Variants in MACROD2 observed in about 807,000 individuals in gnomAD.
MACROD2 encodes ADP-ribose glycohydrolase MACROD2.
A neutral mutation model predicts 70.4 loss-of-function variants in MACROD2; 36 were observed. That is an observed-to-expected ratio of 0.51 (90% CI 0.39 to 0.68). MACROD2 has a LOEUF of 0.68. Ranked by LOEUF, MACROD2 falls within the 30% of genes least tolerant of loss-of-function variation. The pLI is 0.00. For missense variants in MACROD2, 496 were observed against 538.4 expected, an observed-to-expected ratio of 0.92 and a Z score of 0.78; for synonymous variants, 172 against 178.8, an observed-to-expected ratio of 0.96 and a Z score of 0.30.
At chr20:14,619,217 A>G (rs1320548874) in intron 4 of MACROD2, among the ~76,000 whole-genome samples, 1 of 151,728 alleles carries the variant, frequency 6.6e-6, no homozygotes, top group Non-Finnish European at 1.5e-5. Flanking sequence ...TGAAATTTTT[A>G]TCCATGAACT....
chr20:14,195,449 G>T (rs545480604), intron 3 of MACROD2, among the ~76,000 whole-genome samples: 6 of 152,192 alleles, frequency 3.9e-5, no homozygotes, highest in African/African-American at 1.4e-4. Flanking sequence ...GTGGTCCCTG[G>T]CTAGGGCTCC....
intron 5 of MACROD2, among the ~76,000 whole-genome samples, chr20:14,779,120 G>T (rs187900005): frequency 3.3e-5 from 5 of 152,146 alleles, no homozygotes; most frequent in Admixed American, 2.0e-4. Flanking sequence ...AGAAAAAAAT[G>T]GTCAGATTTC....
intron 7 of MACROD2, among the ~76,000 whole-genome samples, chr20:15,447,596 A>G (rs1459386210): frequency 2.0e-5 from 3 of 152,098 alleles, no homozygotes; most frequent in Non-Finnish European, 2.9e-5. Flanking sequence ...GCCTGCCATA[A>G]TCTCCACCCA....
chr20:14,250,772 A>G (rs2082005970), intron 3 of MACROD2, among the ~76,000 whole-genome samples: 1 of 152,228 alleles, frequency 6.6e-6, no homozygotes, highest in Non-Finnish European at 1.5e-5. Flanking sequence ...AATGACAATA[A>G]TAATAATAAT....
chr20:14,851,055 T>A (rs1289780951), intron 5 of MACROD2, among the ~76,000 whole-genome samples: 1 of 151,730 alleles, frequency 6.6e-6, no homozygotes, highest in Non-Finnish European at 1.5e-5. Flanking sequence ...TTATTATTAA[T>A]TTTTTTTGGC....
chr20:15,630,477 A>C (rs1337139539), intron 8 of MACROD2, among the ~76,000 whole-genome samples: 3 of 152,308 alleles, frequency 2.0e-5, no homozygotes, highest in South Asian at 2.1e-4. Context: ...TGACCCTCTC[A>C]TCTCTCCAAC....
intron 4 of MACROD2, among the ~76,000 whole-genome samples, chr20:14,542,292 G>GTGCTGC (rs764053624): frequency 6.6e-6 from 1 of 152,190 alleles, no homozygotes; most frequent in Non-Finnish European, 1.5e-5. Flanking sequence ...ATCACTTCAT[G>GTGCTGC]TGCTGCTCTT....
intron 3 of MACROD2, among the ~76,000 whole-genome samples, chr20:14,380,968 T>A (rs1254005566): frequency 3.3e-5 from 5 of 152,202 alleles, no homozygotes; most frequent in Non-Finnish European, 5.9e-5. Flanking sequence ...TTTTCTCTTT[T>A]ATTTTGTATT....
intron 5 of MACROD2, among the ~76,000 whole-genome samples, chr20:15,028,349 G>A (rs1320587402): frequency 6.6e-6 from 1 of 152,160 alleles, no homozygotes; most frequent in East Asian, 1.9e-4. Context: ...TAATGCACAG[G>A]GCCCAGAGTG....
At chr20:15,288,677 C>T (rs1279243015) in intron 6 of MACROD2, among the ~76,000 whole-genome samples, 4 of 152,126 alleles carry the variant, frequency 2.6e-5, no homozygotes, top group South Asian at 2.1e-4. Context: ...CTCTGGTCTT[C>T]GGACTCTGGA....
At chr20:15,751,354 A>G (rs1487156095) in intron 8 of MACROD2, among the ~76,000 whole-genome samples, 3 of 152,110 alleles carry the variant, frequency 2.0e-5, no homozygotes, top group Non-Finnish European at 4.4e-5. Context: ...GTAACATTTT[A>G]TTACTTTATC....
At chr20:15,430,697 G>T (rs908621853) in intron 6 of MACROD2, among the ~76,000 whole-genome samples, 2 of 151,828 alleles carry the variant, frequency 1.3e-5, no homozygotes, top group Non-Finnish European at 2.9e-5. Context: ...TGTCAAAAAA[G>T]GGGTACATAT....
At chr20:15,846,602 G>C (rs2064233498) in intron 8 of MACROD2, among the ~76,000 whole-genome samples, 1 of 151,962 alleles carries the variant, frequency 6.6e-6, no homozygotes, top group African/African-American at 2.4e-5. Flanking sequence ...GACACCAAAA[G>C]GAAAAAACGG....
intron 15 of MACROD2, among the ~76,000 whole-genome samples, chr20:16,029,514 CA>C (rs1257332879): frequency 6.6e-6 from 1 of 152,106 alleles, no homozygotes; most frequent in African/African-American, 2.4e-5. Flanking sequence ...GTATCATCAA[CA>C]AAAACAGTAA....
At chr20:14,651,764 A>T (rs1327998458) in intron 4 of MACROD2, among the ~76,000 whole-genome samples, 1 of 152,116 alleles carries the variant, frequency 6.6e-6, no homozygotes, top group Non-Finnish European at 1.5e-5. Flanking sequence ...TGTGGCAATC[A>T]GTTCTGCATG....
intron 9 of MACROD2, among the ~76,000 whole-genome samples, chr20:15,872,278 C>T (rs1601029500): frequency 6.6e-6 from 1 of 152,128 alleles, no homozygotes; most frequent in African/African-American, 2.4e-5. Flanking sequence ...TAATGAAGCA[C>T]ACAGTGTCAT....
intron 6 of MACROD2, among the ~76,000 whole-genome samples, chr20:15,405,349 G>A (rs954853639): frequency 2.0e-5 from 3 of 152,260 alleles, no homozygotes; most frequent in East Asian, 3.9e-4. Flanking sequence ...ATGTTGCTAA[G>A]TTTGGAGGAG....
chr20:15,114,445 C>A (rs572473181), intron 5 of MACROD2, among the ~76,000 whole-genome samples: 6 of 152,008 alleles, frequency 3.9e-5, no homozygotes, highest in African/African-American at 4.8e-5. Context: ...GAATGGGCCA[C>A]CTAAGGAGGT....
intron 5 of MACROD2, among the ~76,000 whole-genome samples, chr20:15,122,298 T>C: frequency 6.6e-6 from 1 of 152,156 alleles, no homozygotes; most frequent in East Asian, 1.9e-4. Context: ...TGAAGGCACA[T>C]TCCACCATTA....
Sources: gnomAD v4.1 joint callset for allele counts (sites outside exome capture counted in the v4.1 genomes callset) on GRCh38, gnomAD v4.1.1 for gene constraint, MANE v1.5 for transcripts, NCBI Gene and HGNC (gene_info 2026-07-23, HGNC 2026-07-21) for gene names.